XPO4: variants seen among roughly 807,000 people sequenced by gnomAD.
The protein encoded by XPO4 is exportin-4.
Under a neutral mutation model 143.0 loss-of-function variants are expected in XPO4, and 39 were observed. The ratio of observed to expected loss-of-function variants is 0.27; its 90% CI spans 0.21 to 0.36. The LOEUF (loss-of-function observed/expected upper bound fraction) is 0.36, where lower values mean the gene tolerates loss of function less well. XPO4 is among the 10% of genes least tolerant of loss of function. XPO4 has a pLI of 1.00. For missense variants in XPO4, 907 were observed against 1,348.0 expected (o/e 0.67, Z 5.12); for synonymous variants, 439 against 474.0 (o/e 0.93, Z 0.96).
rs2059107076 is a variant in XPO4 at position 20,778,597 on chromosome 13, G to A, written c.*5125C>T. ...CTGTGAAACTGTTTCTAAGACTGTG[G>A]GCTGAGATAAATATTATAAAATATA... On this transcript the variant is annotated 3_prime_UTR_variant, in exon 23 of 23. Transcript: ENST00000255305. 6.6e-6 allele frequency: 1 copy of A among 151,968 alleles called. No individual in the cohort carries two copies. 9.4% of individuals were successfully genotyped at this position (151,968 alleles called of 1,614,324 possible).
chr13:20,890,102 G>A (rs987024921), intron 1 of XPO4, among the ~76,000 whole-genome samples: 4 of 152,160 alleles, frequency 2.6e-5, no homozygotes, highest in South Asian at 4.1e-4. Context: ...TTTTGACAGT[G>A]GGAATGCAAC....
At chr13:20,784,289 T>C (rs1480313214) in intron 22 of XPO4, among the ~76,000 whole-genome samples, 3 of 152,210 alleles carry the variant, frequency 2.0e-5, no homozygotes, top group Non-Finnish European at 4.4e-5. Context: ...CTATTTATGT[T>C]GCGTTTGACA....
chr13:20,871,925 TATC>T (rs1457410264), intron 1 of XPO4, among the ~76,000 whole-genome samples: 26 of 152,346 alleles, frequency 1.7e-4, no homozygotes, highest in African/African-American at 6.0e-4. Context: ...GGTTAAATAT[TATC>T]ATACAAACAA....
chr13:20,862,626 A>G (rs2060212246), intron 3 of XPO4, 91 bp downstream of exon 3: 5 of 1,552,654 alleles, frequency 3.2e-6, no homozygotes, highest in African/African-American at 2.7e-5. Context: ...ATACCCACCC[A>G]AAAGTTTTTA....
intron 2 of XPO4, 88 bp downstream of exon 2, chr13:20,868,508 A>G: frequency 2.0e-6 from 3 of 1,477,214 alleles, no homozygotes; most frequent in South Asian, 2.8e-5. Flanking sequence ...AGGTTTTTAA[A>G]AAGGAATTTA....
chr13:20,798,809 C>T (rs1264160797), intron 16 of XPO4, among the ~76,000 whole-genome samples: 1 of 151,930 alleles, frequency 6.6e-6, no homozygotes, highest in African/African-American at 2.4e-5. Context: ...TGCTTGAGGC[C>T]AGGAGTTCGA....
At chr13:20,885,598 T>G (rs1181299222) in intron 1 of XPO4, among the ~76,000 whole-genome samples, 1 of 152,128 alleles carries the variant, frequency 6.6e-6, no homozygotes, top group Non-Finnish European at 1.5e-5. Context: ...ATGCTGTTTA[T>G]AAGAAATGCA....
chr13:20,880,899 AATAAGAC>A (rs1327614803), intron 1 of XPO4, among the ~76,000 whole-genome samples: 4 of 151,836 alleles, frequency 2.6e-5, no homozygotes, highest in Non-Finnish European at 5.9e-5. Flanking sequence ...TCAAGGCTGC[AATAAGAC>A]ATGATTGCAC....
chr13:20,901,220 T>G (rs2060617553), intron 1 of XPO4, among the ~76,000 whole-genome samples: 1 of 152,214 alleles, frequency 6.6e-6, no homozygotes, highest in Non-Finnish European at 1.5e-5. Context: ...CTTACTACTA[T>G]TCTTCTCACC....
chr13:20,852,088 G>C (rs1363950565), intron 4 of XPO4: 32 of 985,284 alleles, frequency 3.2e-5, no homozygotes, highest in Admixed American at 6.1e-5. Flanking sequence ...CTACTTGTAG[G>C]GGGTGAGGGC....
intron 19 of XPO4, among the ~76,000 whole-genome samples, chr13:20,789,102 G>A (rs879659410): frequency 2.0e-5 from 3 of 152,176 alleles, no homozygotes; most frequent in Non-Finnish European, 2.9e-5. Context: ...GAGAACTGAG[G>A]TAAAAGTAAG....
At chr13:20,842,833 G>C in intron 6 of XPO4, 62 bp downstream of exon 6, 2 of 1,457,270 alleles carry the variant, frequency 1.4e-6, no homozygotes, top group South Asian at 2.8e-5. Flanking sequence ...AAGACTCCGA[G>C]CTGTAATTAA....
intron 1 of XPO4, 81 bp downstream of exon 1, chr13:20,902,589 C>G (rs1416329746): frequency 2.8e-6 from 4 of 1,424,004 alleles, no homozygotes; most frequent in African/African-American, 1.5e-5. Context: ...AGTCGCCAGC[C>G]CAGCGAGCAG....
intron 3 of XPO4, chr13:20,856,264 G>C (rs564539782): frequency 1.1e-6 from 1 of 909,426 alleles, no homozygotes; most frequent in African/African-American, 1.8e-5. Context: ...AATGTGAAAA[G>C]GCAACATACT....
chr13:20,813,555 G>A (rs556736108), intron 9 of XPO4, among the ~76,000 whole-genome samples: 19 of 152,124 alleles, frequency 1.2e-4, no homozygotes, highest in Non-Finnish European at 1.9e-4. Context: ...TCACATACAC[G>A]TAATACACTG....
chr13:20,830,046 A>G (rs903198456), intron 6 of XPO4, among the ~76,000 whole-genome samples: 4 of 152,212 alleles, frequency 2.6e-5, no homozygotes, highest in African/African-American at 9.7e-5. Context: ...ATTCATTGCA[A>G]TGGCTCATGT....
intron 1 of XPO4, among the ~76,000 whole-genome samples, chr13:20,871,740 C>G (rs1261962536): frequency 6.6e-6 from 1 of 152,174 alleles, no homozygotes; most frequent in Non-Finnish European, 1.5e-5. Flanking sequence ...GCTAGTTATT[C>G]TACAAACAAA....
intron 3 of XPO4, among the ~76,000 whole-genome samples, chr13:20,861,552 T>TC (rs1267542295): frequency 8.6e-5 from 13 of 151,964 alleles, no homozygotes; most frequent in African/African-American, 3.1e-4. Flanking sequence ...CACCTCAGCC[T>TC]CCCAAAGTGC....
chr13:20,831,787 G>C (rs916781695), intron 6 of XPO4, among the ~76,000 whole-genome samples: 1 of 147,596 alleles, frequency 6.8e-6, no homozygotes, highest in Non-Finnish European at 1.5e-5. Flanking sequence ...TAAAGAATCA[G>C]GACATTTAGT....
Sources: gnomAD v4.1 joint callset for allele counts (sites outside exome capture counted in the v4.1 genomes callset) on GRCh38, gnomAD v4.1.1 for gene constraint, MANE v1.5 for transcripts, NCBI Gene and HGNC (gene_info 2026-07-23, HGNC 2026-07-21) for gene names.